Variants in SNRNP70 observed in about 807,000 individuals in gnomAD.
SNRNP70 encodes the protein U1 small nuclear ribonucleoprotein 70 kDa.
A neutral mutation model predicts 50.5 loss-of-function variants in SNRNP70; 8 were observed. The observed-to-expected ratio is 0.16, with a 90% CI of 0.09 to 0.29. The LOEUF is 0.29. SNRNP70 is among the 10% of genes least tolerant of loss of function. The pLI is 1.00. For synonymous variants in SNRNP70, 320 were observed against 252.9 expected (o/e 1.27, Z -2.52); for missense variants, 529 against 663.5 (o/e 0.80, Z 2.23).
intron 8 of SNRNP70, among the ~76,000 whole-genome samples, chr19:49,106,278 C>A (rs138028484): frequency 6.6e-6 from 1 of 152,240 alleles, no homozygotes; most frequent in Non-Finnish European, 1.5e-5. Context: ...TCAGAATCTT[C>A]TAGTTCAATT....
intron 6 of SNRNP70, among the ~76,000 whole-genome samples, chr19:49,099,928 GTGTA>G (rs1300803365): frequency 1.3e-5 from 2 of 151,248 alleles, no homozygotes; most frequent in Non-Finnish European, 2.9e-5. Flanking sequence ...GTGTGTGTGT[GTGTA>G]TGTGCATGTG....
intron 6 of SNRNP70, among the ~76,000 whole-genome samples, chr19:49,100,854 C>T (rs1326044060): frequency 6.6e-6 from 1 of 151,454 alleles, no homozygotes; most frequent in East Asian, 1.9e-4. Flanking sequence ...GCATTCACAA[C>T]TCCCTCCTGT....
chr19:49,104,615 CT>C lies in SNRNP70; in HGVS notation c.476-18del. ...CTCTGGGGACTCCTCTCCCCTCCCC[CT>C]CCCCACATCTGTTACAGCCGCTTAC... On this transcript the variant is annotated intron_variant, in intron 7 of 9. Transcript: ENST00000598441. The surrounding 1 kb of genome is among the most constrained non-coding windows in gnomAD (Gnocchi z 5.4). 1 of 1,544,936 alleles carries C rather than the reference CT, an allele frequency of 6.5e-7. No individual in the cohort carries two copies. The highest frequency in any genetic ancestry group is 1.2e-5 in the South Asian group (1 of 83,944).
chr19:49,101,931 C>A (rs1168776994), intron 7 of SNRNP70, among the ~76,000 whole-genome samples: 2 of 151,932 alleles, frequency 1.3e-5, no homozygotes, highest in African/African-American at 2.4e-5. Context: ...CCTGGCCCCC[C>A]ACCCTGTTCC....
At chr19:49,096,036 G>A (rs920043437) in intron 4 of SNRNP70, among the ~76,000 whole-genome samples, 4 of 146,728 alleles carry the variant, frequency 2.7e-5, no homozygotes, top group Admixed American at 6.8e-5. Context: ...AAATTACAAC[G>A]CTCAGGGATA....
At chr19:49,100,234 TC>T (rs565399087) in intron 6 of SNRNP70, among the ~76,000 whole-genome samples, 273 of 152,302 alleles carry the variant, frequency 1.8e-3, no homozygotes, top group Middle Eastern at 0.01. Context: ...CCCGTTGTTC[TC>T]CCTGACATGG....
In SNRNP70 at chr19:49,107,936, C is replaced by G; in HGVS notation, c.807C>G (p.Arg269=). 6.5e-7 allele frequency: 1 copy of G among 1,547,592 alleles called. No homozygotes were observed. The highest frequency in any genetic ancestry group is 1.2e-5 in the South Asian group (1 of 84,006). ...ACCGGCGGAGGCGCTCACGGAGTCG[C>G]GACAAGGAGGAGCGGAGGCGCTCCA... The part of the protein sequence containing the change: ...SRDRRRRSRS[R]DKEERRRSRE... Residue 269 remains arginine, a synonymous_variant, in exon 10 of 10, where the codon CGC becomes CGG. Transcript: ENST00000598441. This position sits in a 1 kb window ranked among gnomAD's most constrained non-coding sequence, Gnocchi z 6.0.
At chr19:49,086,363 C>A in intron 1 of SNRNP70, 42 bp from the exon 2 acceptor site, 1 of 1,582,236 alleles carries the variant, frequency 6.3e-7, no homozygotes. Context: ...TTTCTCTGTG[C>A]AGACCCGATC....
At chr19:49,090,227 G>T in intron 2 of SNRNP70, 64 bp from the exon 3 acceptor site, 2 of 1,417,636 alleles carry the variant, frequency 1.4e-6, no homozygotes, top group Non-Finnish European at 1.0e-6. Flanking sequence ...TTATTTCCTT[G>T]GTGAGTGTCC....
intron 7 of SNRNP70, chr19:49,102,147 G>A: frequency 7.8e-7 from 1 of 1,289,442 alleles, no homozygotes; most frequent in Non-Finnish European, 1.0e-6. Context: ...TGATGCTTAC[G>A]CTCCCCTTAC....
At chr19:49,094,694 A>T (rs550238302) in intron 4 of SNRNP70, among the ~76,000 whole-genome samples, 1 of 152,330 alleles carries the variant, frequency 6.6e-6, no homozygotes, top group South Asian at 2.1e-4. Flanking sequence ...CTCCACTCAT[A>T]GCTATAGAAG....
Position 49,100,402 on chromosome 19 carries a change from A to G in SNRNP70, c.394-988A>G, listed in dbSNP as rs182199148. Among the ~76,000 whole-genome samples the G allele has an allele frequency of 2.6e-3, 388 of 151,558 alleles. 3 individuals carry two copies. Among genetic ancestry groups the G allele is most frequent in the Admixed American group, 3.3e-3 (50 of 15,258 alleles). ...GCCTCATGGACCTCCACCCCACCCC[A>G]TCTCCTCCCTTCTCTTGCTGCCATC... On this transcript the variant is annotated intron_variant, in intron 6 of 9. Transcript: ENST00000598441.
At chr19:49,099,926 G>GTGTGTA (rs1181037395) in intron 6 of SNRNP70, among the ~76,000 whole-genome samples, 66 of 151,278 alleles carry the variant, frequency 4.4e-4, no homozygotes, top group African/African-American at 1.5e-3. Context: ...CTGTGTGTGT[G>GTGTGTA]TGTGTATGTG....
rs944625896 is a variant in SNRNP70 at position 49,102,414 on chromosome 19, G to A, written c.475+943G>A. The A allele has an allele frequency of 1.9e-4, 54 of 284,802 alleles. 1 individual carries two copies. Among genetic ancestry groups the A allele is most frequent in the African/African-American group, 1.1e-3 (51 of 45,768 alleles). The allele number at this position is 284,802 out of a possible 1,614,324, so 17.6% of individuals were successfully genotyped here. A position where few individuals can be genotyped will look rare whatever the true frequency, so the allele number is the denominator to read the frequency against. Reference sequence around the variant, plus strand: ...GAAGGATGAACCTGGTGGGAAAGGCGGCGGCCTCTCCGCTTGGGTTCCACC... The same window carrying A: ...GAAGGATGAACCTGGTGGGAAAGGCAGCGGCCTCTCCGCTTGGGTTCCACC... On this transcript the variant is annotated intron_variant, in intron 7 of 9. Coordinates refer to ENST00000598441, the MANE Select transcript of SNRNP70 (RefSeq NM_003089.6).
At chr19:49,095,975 CAAA>C (rs11356728) in intron 4 of SNRNP70, among the ~76,000 whole-genome samples, 23 of 91,878 alleles carry the variant, frequency 2.5e-4, no homozygotes, top group East Asian at 3.8e-4. Context: ...TTAGCTGGTG[CAAA>C]AAAAAAAAAA....
In SNRNP70 at chr19:49,107,729, G is replaced by A. The variant is rs780445241; in HGVS notation, c.665+17G>A. 2.5e-6 allele frequency: 4 copies of A among 1,613,596 alleles called. No individual in the cohort carries two copies. Among genetic ancestry groups the A allele is most frequent in the Non-Finnish European group, 3.4e-6 (4 of 1,179,918 alleles). On this transcript the variant is annotated intron_variant, in intron 9 of 9. Transcript: ENST00000598441. This position sits in a 1 kb window ranked among gnomAD's most constrained non-coding sequence, Gnocchi z 6.0. ...CGATGAGAGGTAAGATTGGGCGACCGGTGTCCTGGGGTGGGGGGCGGTCAC... is the reference window on the plus strand; with the variant it reads ...CGATGAGAGGTAAGATTGGGCGACCAGTGTCCTGGGGTGGGGGGCGGTCAC...
chr19:49,100,721 G>C (rs527526555), intron 6 of SNRNP70, among the ~76,000 whole-genome samples: 17 of 150,618 alleles, frequency 1.1e-4, no homozygotes, highest in Admixed American at 4.0e-4. Flanking sequence ...CAGGAGAATC[G>C]CTTGAACCCG....
At position 49,107,716 on chromosome 19, in the gene SNRNP70, A is replaced by G. The variant is rs1388523749; in HGVS notation, c.665+4A>G. ...ACACCTCCCGCTACGATGAGAGGTA[A>G]GATTGGGCGACCGGTGTCCTGGGGT... On this transcript the variant is annotated splice_donor_region_variant and intron_variant, in intron 9 of 9. Transcript: ENST00000598441. This position sits in a 1 kb window ranked among gnomAD's most constrained non-coding sequence, Gnocchi z 6.0. 11 of 1,613,804 alleles carry G rather than the reference A, an allele frequency of 6.8e-6. No homozygotes were observed. The highest frequency in any genetic ancestry group is 1.6e-4 in the Middle Eastern group (1 of 6,062).
Position 49,107,538 on chromosome 19 carries a change from C to A in SNRNP70, c.578-87C>A. 7.7e-7 allele frequency: 1 copy of A among 1,299,958 alleles called. No individual in the cohort carries two copies. Among genetic ancestry groups the A allele is most frequent in the Non-Finnish European group, 1.1e-6 (1 of 901,140 alleles). 80.5% of individuals were successfully genotyped at this position (1,299,958 alleles called of 1,614,324 possible). On this transcript the variant is annotated intron_variant, in intron 8 of 9. Transcript: ENST00000598441. This position sits in a 1 kb window ranked among gnomAD's most constrained non-coding sequence, Gnocchi z 6.0. Reference sequence around the variant, plus strand: ...CACTAAGCCAGGGGCTGCCTTCCTGCCCTTTGCTCTTGGAGTCGGCTCATT... The same window carrying A: ...CACTAAGCCAGGGGCTGCCTTCCTGACCTTTGCTCTTGGAGTCGGCTCATT...
Sources: allele counts gnomAD v4.1 joint callset (sites outside exome capture counted in the v4.1 genomes callset), GRCh38; gene constraint gnomAD v4.1.1; non-coding constraint Gnocchi (gnomAD v3.1); transcripts MANE v1.5; gene names NCBI Gene and HGNC (gene_info 2026-07-23, HGNC 2026-07-21).